The following DPH6 variants were observed in gnomAD, a reference collection of about 807,000 sequenced individuals.
DPH6 encodes diphthamine biosynthesis 6, also known as diphthine--ammonia ligase.
Under a neutral mutation model 38.2 loss-of-function variants are expected in DPH6, and 33 were observed. The observed-to-expected ratio is 0.86, with a 90% CI of 0.65 to 1.15. The LOEUF is 1.15. Among genes scored for constraint, DPH6 ranks in the 50% most tolerant of loss-of-function variants. The pLI is 0.00. For synonymous variants in DPH6, 108 were observed against 103.0 expected, an observed-to-expected ratio of 1.05 and a Z score of -0.30; for missense variants, 325 against 320.0, an observed-to-expected ratio of 1.02 and a Z score of -0.12.
intron 3 of DPH6, among the ~76,000 whole-genome samples, chr15:35,470,073 C>T (rs2054178097): frequency 6.6e-6 from 1 of 152,072 alleles, no homozygotes; most frequent in Admixed American, 6.5e-5. Flanking sequence ...TGGTGTGTGC[C>T]TGTAATCCCC....
chr15:35,428,566 C>T (rs1387406415), intron 5 of DPH6, among the ~76,000 whole-genome samples: 2 of 152,212 alleles, frequency 1.3e-5, no homozygotes, highest in African/African-American at 2.4e-5. Context: ...CTGGGGCAAT[C>T]TCCTGGGTCA....
At chr15:35,301,678 T>TA (rs529264605) in intron 3 of DPH6, among the ~76,000 whole-genome samples, 68 of 152,132 alleles carry the variant, frequency 4.5e-4, no homozygotes, top group Admixed American at 4.2e-3. Context: ...AAAACTAGAA[T>TA]AAAAAAATTA....
intron 3 of DPH6, among the ~76,000 whole-genome samples, chr15:35,283,648 C>A (rs908588686): frequency 6.6e-6 from 1 of 151,996 alleles, no homozygotes; most frequent in African/African-American, 2.4e-5. Flanking sequence ...AGGGAAGGGT[C>A]CTCTAGAATC....
chr15:35,319,114 T>C (rs1355475897), intron 3 of DPH6, among the ~76,000 whole-genome samples: 1 of 152,146 alleles, frequency 6.6e-6, no homozygotes, highest in African/African-American at 2.4e-5. Flanking sequence ...TTGTTCTAAG[T>C]GGAGAGAGAC....
chr15:35,435,763 C>T (rs1036658015), intron 5 of DPH6, among the ~76,000 whole-genome samples: 3 of 152,094 alleles, frequency 2.0e-5, no homozygotes, highest in African/African-American at 4.8e-5. Context: ...GTGGTCCATA[C>T]GGGCATATGA....
chr15:35,327,679 C>T (rs146735914), downstream of DPH6, among the ~76,000 whole-genome samples: 8 of 152,278 alleles, frequency 5.3e-5, no homozygotes, highest in East Asian at 1.9e-4. Flanking sequence ...AGTCAGGAGA[C>T]GTGTTCCAGT....
intron 3 of DPH6, among the ~76,000 whole-genome samples, chr15:35,319,133 A>G (rs943102200): frequency 8.5e-5 from 13 of 152,154 alleles, no homozygotes; most frequent in African/African-American, 2.4e-4. Context: ...ACCATCACCA[A>G]TCTTCAGGTC....
chr15:35,353,361 A>G (rs998278758), intron 3 of DPH6, among the ~76,000 whole-genome samples: 2 of 152,214 alleles, frequency 1.3e-5, no homozygotes, highest in Admixed American at 1.3e-4. Flanking sequence ...GCCCATGCCT[A>G]TGTGCTGAAT....
At chr15:35,186,711 C>A in the DPH6 span, among the ~76,000 whole-genome samples, 1 of 152,142 alleles carries the variant, frequency 6.6e-6, no homozygotes, top group Non-Finnish European at 1.5e-5. Flanking sequence ...GAAACAAAAT[C>A]AATTTGTTTC....
chr15:35,230,462 C>G (rs2051509550), intron 3 of DPH6, among the ~76,000 whole-genome samples: 1 of 152,144 alleles, frequency 6.6e-6, no homozygotes, highest in South Asian at 2.1e-4. Flanking sequence ...AAATGCCATC[C>G]AAAAGCGAAG....
chr15:35,493,940 A>T (rs1461546781), intron 3 of DPH6, among the ~76,000 whole-genome samples: 1 of 152,138 alleles, frequency 6.6e-6, no homozygotes, highest in African/African-American at 2.4e-5. Context: ...TTAAAGACTT[A>T]TATCCCAGCA....
intron 4 of DPH6, among the ~76,000 whole-genome samples, chr15:35,452,184 A>G (rs2053944292): frequency 6.6e-6 from 1 of 151,978 alleles, no homozygotes; most frequent in Non-Finnish European, 1.5e-5. Flanking sequence ...CTGCCTGCTC[A>G]TTCTTGCCTA....
chr15:35,235,376 A>G (rs1177018982), intron 3 of DPH6, among the ~76,000 whole-genome samples: 1 of 152,202 alleles, frequency 6.6e-6, no homozygotes, highest in Non-Finnish European at 1.5e-5. Flanking sequence ...ACCTTCGTTT[A>G]TAAACACTTG....
chr15:35,370,486 T>C (rs1172273375), downstream of DPH6, among the ~76,000 whole-genome samples: 1 of 151,672 alleles, frequency 6.6e-6, no homozygotes, highest in Non-Finnish European at 1.5e-5. Context: ...CTCTTAAAAC[T>C]CAATAATAAG....
At chr15:35,501,173 T>C (rs780048200) in intron 3 of DPH6, among the ~76,000 whole-genome samples, 2 of 152,206 alleles carry the variant, frequency 1.3e-5, no homozygotes, top group Admixed American at 6.5e-5. Flanking sequence ...TCACAATATA[T>C]TTCCCCTAAT....
At chr15:35,364,051 C>T (rs185417832) in intron 3 of DPH6, among the ~76,000 whole-genome samples, 2 of 152,030 alleles carry the variant, frequency 1.3e-5, no homozygotes, top group Admixed American at 6.6e-5. Context: ...TTTCATTTCT[C>T]GTTGATCTCT....
the DPH6 span, among the ~76,000 whole-genome samples, chr15:35,165,470 GCTCT>G: frequency 1.1e-4 from 16 of 151,760 alleles, no homozygotes; most frequent in Non-Finnish European, 1.9e-4. Flanking sequence ...AACAATAAAA[GCTCT>G]CTGTTTTTTA....
intron 3 of DPH6, among the ~76,000 whole-genome samples, chr15:35,460,245 A>G (rs2054047710): frequency 2.0e-5 from 3 of 152,150 alleles, no homozygotes; most frequent in Admixed American, 2.0e-4. Flanking sequence ...AAAAAAAAGT[A>G]TAATTAATCA....
At chr15:35,232,919 A>T (rs1209674457) in intron 3 of DPH6, among the ~76,000 whole-genome samples, 1 of 152,150 alleles carries the variant, frequency 6.6e-6, no homozygotes, top group Non-Finnish European at 1.5e-5. Flanking sequence ...AAATGCTTAC[A>T]ATAGTAAAAT....
Sources: allele counts gnomAD v4.1 joint callset (sites outside exome capture counted in the v4.1 genomes callset), GRCh38; gene constraint gnomAD v4.1.1; transcripts MANE v1.5; gene names NCBI Gene and HGNC (gene_info 2026-07-23, HGNC 2026-07-21).